The following SMARCAL1 variants were observed in gnomAD, a reference collection of about 807,000 sequenced individuals.
SMARCAL1 encodes SNF2 related chromatin remodeling annealing helicase 1.
Under a neutral mutation model 94.5 loss-of-function variants are expected in SMARCAL1, and 58 were observed. The observed-to-expected ratio is 0.61, with a 90% CI of 0.50 to 0.76. The LOEUF is 0.76. Among genes scored for constraint, SMARCAL1 ranks in the 30% least tolerant of loss-of-function variants. SMARCAL1 has a pLI of 0.00. For missense variants in SMARCAL1, 1,051 were observed against 1,177.9 expected, an observed-to-expected ratio of 0.89 and a Z score of 1.58; for synonymous variants, 422 against 455.1, an observed-to-expected ratio of 0.93 and a Z score of 0.93.
chr2:216,468,086 A>G, intron 14 of SMARCAL1, 40 bp downstream of exon 14: 2 of 1,427,874 alleles, frequency 1.4e-6, no homozygotes, highest in Non-Finnish European at 9.9e-7. Context: ...TACTTTTGCC[A>G]TGTCCCAAGT....
chr2:216,464,743 G>C, intron 13 of SMARCAL1, 76 bp downstream of exon 13: 2 of 1,033,236 alleles, frequency 1.9e-6, no homozygotes, highest in South Asian at 2.5e-5. Context: ...ACTTTATTCT[G>C]CCTGAATGAT....
At chr2:216,478,388 G>A (rs938586324) in intron 17 of SMARCAL1, 89 bp downstream of exon 17, 2 of 991,954 alleles carry the variant, frequency 2.0e-6, no homozygotes, top group African/African-American at 3.3e-5. Context: ...AGGAGGATGT[G>A]AATCACTCCT....
In SMARCAL1 at chr2:216,482,664, A is replaced by G; in HGVS notation, c.2626-74A>G. On this transcript the variant is annotated intron_variant, in intron 17 of 17. Coordinates refer to ENST00000357276, the MANE Select transcript of SMARCAL1 (RefSeq NM_014140.4). The surrounding 1 kb of genome is among the most constrained non-coding windows in gnomAD (Gnocchi z 4.3). ...TCTCTCATCTTTATATTCTCTCATC[A>G]GCCCTAGTGGAGGAGAGTCAGTGTT... 1 of 1,588,264 alleles carries G rather than the reference A, an allele frequency of 6.3e-7. No individual in the cohort carries two copies. The highest frequency in any genetic ancestry group is 8.6e-7 in the Non-Finnish European group (1 of 1,157,082).
At chr2:216,444,402 A>AT (rs1694260861) in intron 10 of SMARCAL1, among the ~76,000 whole-genome samples, 2 of 152,182 alleles carry the variant, frequency 1.3e-5, no homozygotes, top group Admixed American at 1.3e-4. Context: ...GAAAAAAAAA[A>AT]GAGATCACAT....
At chr2:216,442,226 G>T (rs1694211164) in intron 10 of SMARCAL1, among the ~76,000 whole-genome samples, 1 of 152,014 alleles carries the variant, frequency 6.6e-6, no homozygotes, top group Admixed American at 6.6e-5. Flanking sequence ...AGACCAGCCT[G>T]GCCAAAATGG....
At chr2:216,445,966 G>A (rs1407022036) in intron 10 of SMARCAL1, among the ~76,000 whole-genome samples, 1 of 152,152 alleles carries the variant, frequency 6.6e-6, no homozygotes, top group East Asian at 1.9e-4. Flanking sequence ...CAATTGCCTT[G>A]TATTACTGTC....
intron 10 of SMARCAL1, among the ~76,000 whole-genome samples, chr2:216,445,758 T>C (rs1694300456): frequency 6.6e-6 from 1 of 152,216 alleles, no homozygotes. Flanking sequence ...GCTGGAGACA[T>C]TCATAGCTCT....
intron 7 of SMARCAL1, among the ~76,000 whole-genome samples, chr2:216,431,311 GAGAA>G (rs1693959010): frequency 6.6e-6 from 1 of 152,254 alleles, no homozygotes; most frequent in Non-Finnish European, 1.5e-5. Context: ...GAGAAGGAAA[GAGAA>G]AGAACTATCC....
chr2:216,424,499 A>G (rs771497896), intron 6 of SMARCAL1, among the ~76,000 whole-genome samples: 4 of 152,192 alleles, frequency 2.6e-5, no homozygotes, highest in Non-Finnish European at 5.9e-5. Flanking sequence ...GTGGGTACCA[A>G]TCAGGCCAGG....
In SMARCAL1 at chr2:216,423,658, T is replaced by C; in HGVS notation, c.1122T>C (p.Phe374=). 6.2e-7 allele frequency: 1 copy of C among 1,614,088 alleles called. No homozygotes were observed. The highest frequency in any genetic ancestry group is 1.1e-5 in the South Asian group (1 of 91,084). ...ATGTCAAGACCAGGAAGTGGAGCTT[T>C]CTCTTGGAAGAGCACAGTAAACTAA... ...RYDVKTRKWS[F]LLEEHSKLIA... The change falls in exon 6 of 18, where the codon TTT becomes TTC. Residue 374 remains phenylalanine (F), a synonymous_variant. Transcript: ENST00000357276.
chr2:216,474,099 T>A (rs1356855822), intron 14 of SMARCAL1, among the ~76,000 whole-genome samples: 2 of 150,968 alleles, frequency 1.3e-5, no homozygotes, highest in Non-Finnish European at 2.9e-5. Flanking sequence ...TTATATGCTG[T>A]GCAATTTATA....
chr2:216,425,685 T>G (rs978176002), intron 6 of SMARCAL1, among the ~76,000 whole-genome samples: 2 of 152,178 alleles, frequency 1.3e-5, no homozygotes, highest in Non-Finnish European at 2.9e-5. Flanking sequence ...AGGGTTTTAT[T>G]GAGCAACAGA....
rs1475737999 is a variant in SMARCAL1 at position 216,435,493 on chromosome 2, CATT to C, written c.1642_1644del (p.Ile548del). The C allele has an allele frequency of 3.1e-6, 5 of 1,613,960 alleles. No individual in the cohort carries two copies. The highest frequency in any genetic ancestry group is 3.3e-5 in the Admixed American group (2 of 60,024). ...TAAAAACCCCTTTTAAAGTTGTCAT[CATT>C]GTAAGAAACTTGGCAAAGTCTTTAA... On this transcript the variant is annotated inframe_deletion and splice_region_variant, in exon 9 of 18. Transcript: ENST00000357276.
intron 9 of SMARCAL1, among the ~76,000 whole-genome samples, chr2:216,437,785 C>CTATATATATA (rs3836032): frequency 2.2e-4 from 33 of 150,788 alleles, no homozygotes; most frequent in African/African-American, 8.0e-4. Context: ...GAAAAACAAA[C>CTATATATATA]TATATATATA....
intron 17 of SMARCAL1, among the ~76,000 whole-genome samples, chr2:216,479,991 G>A (rs1348615285): frequency 6.6e-6 from 1 of 152,172 alleles, no homozygotes; most frequent in African/African-American, 2.4e-5. Context: ...GGCAGAGGTT[G>A]CAGTGGGCCA....
At chr2:216,463,944 A>T (rs986628816) in intron 12 of SMARCAL1, among the ~76,000 whole-genome samples, 7 of 152,220 alleles carry the variant, frequency 4.6e-5, no homozygotes, top group African/African-American at 1.7e-4. Context: ...TCGGAGGCTG[A>T]GACGGGAGAA....
At chr2:216,476,164 C>T (rs933901047) in intron 15 of SMARCAL1, among the ~76,000 whole-genome samples, 3 of 151,984 alleles carry the variant, frequency 2.0e-5, no homozygotes, top group African/African-American at 7.3e-5. Flanking sequence ...CTGGTAATCT[C>T]CAGAAAAGTT....
At chr2:216,476,044 A>G (rs1695069819) in intron 15 of SMARCAL1, among the ~76,000 whole-genome samples, 1 of 152,104 alleles carries the variant, frequency 6.6e-6, no homozygotes, top group Non-Finnish European at 1.5e-5. Flanking sequence ...TGCTTTAACA[A>G]TGGACCTCAC....
At chr2:216,471,133 G>T (rs1302310072) in intron 14 of SMARCAL1, among the ~76,000 whole-genome samples, 2 of 151,930 alleles carry the variant, frequency 1.3e-5, no homozygotes, top group African/African-American at 2.4e-5. Flanking sequence ...TGGGGGGTGG[G>T]AGGGTAGATG....
Sources: allele counts gnomAD v4.1 joint callset (sites outside exome capture counted in the v4.1 genomes callset), GRCh38; gene constraint gnomAD v4.1.1; non-coding constraint Gnocchi (gnomAD v3.1); transcripts MANE v1.5; gene names NCBI Gene and HGNC (gene_info 2026-07-23, HGNC 2026-07-21).